The following PTK2 variants were observed in gnomAD, a reference collection of about 807,000 sequenced individuals.
PTK2 encodes protein tyrosine kinase 2.
PTK2 carries 45 observed loss-of-function variants against 150.1 expected under a neutral mutation model. The ratio of observed to expected loss-of-function variants is 0.30; its 90% CI spans 0.24 to 0.38. The LOEUF is 0.38. Among genes scored for constraint, PTK2 ranks in the 10% least tolerant of loss-of-function variants. The pLI is 1.00. For synonymous variants in PTK2, 432 were observed against 449.2 expected (o/e 0.96, Z 0.48); for missense variants, 919 against 1,307.3 (o/e 0.70, Z 4.58).
intron 3 of PTK2, among the ~76,000 whole-genome samples, chr8:140,888,265 CATT>C (rs1312486038): frequency 6.6e-6 from 1 of 152,140 alleles, no homozygotes; most frequent in Non-Finnish European, 1.5e-5. Context: ...CAAATCCACT[CATT>C]AATTTACAAT....
At chr8:140,812,765 T>TC (rs2100102343) in intron 10 of PTK2, among the ~76,000 whole-genome samples, 1 of 151,728 alleles carries the variant, frequency 6.6e-6, no homozygotes, top group Admixed American at 6.6e-5. Flanking sequence ...TTAAACCAAC[T>TC]CAGTTAAAAA....
Position 140,851,165 on chromosome 8 carries a change from T to G in PTK2, c.451-4487A>C, listed in dbSNP as rs528041173. Among the ~76,000 whole-genome samples the G allele has an allele frequency of 3.9e-4, 59 of 152,362 alleles. 1 individual carries two copies. Among genetic ancestry groups the G allele is most frequent in the Middle Eastern group, 3.4e-3 (1 of 294 alleles). On this transcript the variant is annotated intron_variant, in intron 5 of 31. Coordinates refer to ENST00000522684, the Ensembl canonical transcript of PTK2. ...TGAGTTTTTGTCAGATACTGTGAAG[T>G]ATTTTGTATACAGAAGGAACTCAAT...
chr8:140,894,844 T>G (rs754106669), intron 2 of PTK2, among the ~76,000 whole-genome samples: 3 of 152,220 alleles, frequency 2.0e-5, no homozygotes, highest in Non-Finnish European at 4.4e-5. Flanking sequence ...TACACCCTTA[T>G]AACTTTTGGT....
At chr8:140,953,533 G>A (rs1275187659) in intron 1 of PTK2, among the ~76,000 whole-genome samples, 1 of 152,200 alleles carries the variant, frequency 6.6e-6, no homozygotes, top group African/African-American at 2.4e-5. Context: ...TCACATCCCA[G>A]GTGGGATAGG....
chr8:140,718,422 C>A (rs1263785300), intron 22 of PTK2: 1 of 152,208 alleles, frequency 6.6e-6, no homozygotes, highest in Non-Finnish European at 1.5e-5. Flanking sequence ...ATCACATAAA[C>A]CCCTCAGAAT....
intron 14 of PTK2, among the ~76,000 whole-genome samples, chr8:140,774,150 T>A (rs911978849): frequency 3.2e-4 from 49 of 152,336 alleles, no homozygotes; most frequent in African/African-American, 1.0e-3. Flanking sequence ...TCTCATTCTC[T>A]GCTCTCTTTT....
At chr8:140,868,758 A>G (rs1044663389) in intron 4 of PTK2, among the ~76,000 whole-genome samples, 8 of 152,218 alleles carry the variant, frequency 5.3e-5, no homozygotes, top group Non-Finnish European at 1.2e-4. Context: ...AGTATTCTTC[A>G]AAAATGTAAA....
chr8:140,828,818 T>A (rs570132693), intron 8 of PTK2, among the ~76,000 whole-genome samples: 1 of 152,278 alleles, frequency 6.6e-6, no homozygotes, highest in East Asian at 1.9e-4. Flanking sequence ...TCTCCCATTC[T>A]CCCAACTGCA....
chr8:140,948,836 T>G (rs912453227), intron 1 of PTK2: 2 of 152,212 alleles, frequency 1.3e-5, no homozygotes, highest in Non-Finnish European at 2.9e-5. Context: ...TGCAAAGGAT[T>G]TACATTGTAT....
intron 1 of PTK2, among the ~76,000 whole-genome samples, chr8:140,977,001 T>C (rs868764319): frequency 6.6e-6 from 1 of 152,244 alleles, no homozygotes; most frequent in Non-Finnish European, 1.5e-5. Flanking sequence ...TTGTAATTTA[T>C]CAAACACTTT....
At chr8:140,802,063 A>G (rs1034428511) in intron 11 of PTK2, among the ~76,000 whole-genome samples, 6 of 151,128 alleles carry the variant, frequency 4.0e-5, no homozygotes, top group African/African-American at 1.5e-4. Flanking sequence ...TTTTTTAATT[A>G]GAATGTACTT....
chr8:140,669,593 A>C (rs898710549), intron 29 of PTK2, 134 bp downstream of exon 33: 8 of 890,622 alleles, frequency 9.0e-6, no homozygotes, highest in African/African-American at 1.7e-5. Flanking sequence ...GGCATCTGTC[A>C]GTCATGAGAG....
intron 1 of PTK2, among the ~76,000 whole-genome samples, chr8:140,942,392 T>C (rs2100176133): frequency 1.3e-5 from 2 of 152,258 alleles, no homozygotes. Flanking sequence ...AAACATCTTT[T>C]ATTTCTGCTA....
chr8:140,832,157 C>T (rs1199796092), intron 7 of PTK2, among the ~76,000 whole-genome samples: 3 of 152,158 alleles, frequency 2.0e-5, no homozygotes, highest in Non-Finnish European at 4.4e-5. Flanking sequence ...AGGCTTCGAG[C>T]GATTCTCGTG....
intron 21 of PTK2, 87 bp downstream of exon 24, chr8:140,738,931 C>T: frequency 1.1e-6 from 1 of 907,198 alleles, no homozygotes; most frequent in Non-Finnish European, 1.6e-6. Context: ...GCAAATCAAC[C>T]TACATATTCC....
At chr8:140,902,432 T>C (rs886887504) in intron 2 of PTK2, among the ~76,000 whole-genome samples, 2 of 152,242 alleles carry the variant, frequency 1.3e-5, no homozygotes, top group Non-Finnish European at 2.9e-5. Flanking sequence ...TACATGTGCA[T>C]GTGTCTTTAT....
At chr8:140,664,129 G>A (rs538547743) in intron 31 of PTK2, among the ~76,000 whole-genome samples, 28 of 152,102 alleles carry the variant, frequency 1.8e-4, no homozygotes, top group African/African-American at 5.5e-4. Flanking sequence ...GACTATAGGC[G>A]CGTGCCACCA....
intron 4 of PTK2, among the ~76,000 whole-genome samples, chr8:140,869,999 GAAC>G (rs1179716404): frequency 6.6e-6 from 1 of 151,796 alleles, no homozygotes; most frequent in Non-Finnish European, 1.5e-5. Context: ...AGCAAAGTAT[GAAC>G]AATATAATCT....
intron 29 of PTK2, among the ~76,000 whole-genome samples, chr8:140,673,707 G>C (rs1278331193): frequency 1.3e-5 from 2 of 152,134 alleles, no homozygotes; most frequent in Non-Finnish European, 2.9e-5. Context: ...GAGAGTCACA[G>C]GCGCCAACAG....
Sources: gnomAD v4.1 joint callset for allele counts (sites outside exome capture counted in the v4.1 genomes callset) on GRCh38, gnomAD v4.1.1 for gene constraint, MANE v1.5 for transcripts, NCBI Gene and HGNC (gene_info 2026-07-23, HGNC 2026-07-21) for gene names.